The following ATP6V1H variants were observed in gnomAD, a reference collection of about 807,000 sequenced individuals.
ATP6V1H encodes ATPase H+ transporting V1 subunit H.
ATP6V1H carries 39 observed loss-of-function variants against 71.7 expected under a neutral mutation model. The ratio of observed to expected loss-of-function variants is 0.54; its 90% CI spans 0.42 to 0.71. ATP6V1H has a LOEUF of 0.71. ATP6V1H is among the 30% of genes least tolerant of loss of function. ATP6V1H has a pLI of 0.00. For synonymous variants in ATP6V1H, 192 were observed against 199.3 expected (o/e 0.96, Z 0.31); for missense variants, 509 against 594.9 (o/e 0.86, Z 1.50).
At chr8:53,737,143 G>A (rs1807241913) in intron 13 of ATP6V1H, among the ~76,000 whole-genome samples, 1 of 152,198 alleles carries the variant, frequency 6.6e-6, no homozygotes, top group Non-Finnish European at 1.5e-5. Context: ...CGGGACACAA[G>A]TCTGCCAAAG....
chr8:53,774,968 T>C (rs1388810895), intron 9 of ATP6V1H, among the ~76,000 whole-genome samples: 1 of 152,252 alleles, frequency 6.6e-6, no homozygotes, highest in Non-Finnish European at 1.5e-5. Context: ...AACGCAAGTG[T>C]GTCCGCAATT....
chr8:53,715,717 T>C lies in ATP6V1H; in HGVS notation c.*247A>G. The C allele has an allele frequency of 2.7e-6, 1 of 369,942 alleles. No homozygotes were observed. Among genetic ancestry groups the C allele is most frequent in the Non-Finnish European group, 4.8e-6 (1 of 209,044 alleles). The allele number at this position is 369,942 out of a possible 1,614,324, so 22.9% of individuals were successfully genotyped here. A position where few individuals can be genotyped will look rare whatever the true frequency, so the allele number is the denominator to read the frequency against. ...AACTATATTTATTTCCAGAGAACAA[T>C]AAATACAGAAATTGCAAGCAGTATA... On this transcript the variant is annotated 3_prime_UTR_variant, in exon 14 of 14. Transcript: ENST00000359530.
At chr8:53,786,162 T>A (rs931211269) in intron 9 of ATP6V1H, among the ~76,000 whole-genome samples, 11 of 152,340 alleles carry the variant, frequency 7.2e-5, no homozygotes, top group African/African-American at 2.6e-4. Context: ...CAGGCAGGCC[T>A]CCTTGAGCTG....
chr8:53,809,491 A>T (rs1271716090), intron 7 of ATP6V1H, among the ~76,000 whole-genome samples: 3 of 152,210 alleles, frequency 2.0e-5, no homozygotes, highest in African/African-American at 7.2e-5. Flanking sequence ...ACCAAAGGCC[A>T]TCTTTTCCTA....
chr8:53,808,354 G>T (rs757056898), intron 7 of ATP6V1H, among the ~76,000 whole-genome samples: 62 of 152,166 alleles, frequency 4.1e-4, no homozygotes, highest in Non-Finnish European at 8.2e-4. Context: ...CCATGTTTAA[G>T]AATCAGTAAA....
rs552939759 is a variant in ATP6V1H at position 53,814,913 on chromosome 8, A to C, written c.421-147T>G. The stretch of plus-strand genomic sequence containing the variant: ...AATAATAGTTTATATTTCATTTTTT[A>C]AAATATATTTTGAAACAAACATTAA... On this transcript the variant is annotated intron_variant, in intron 5 of 13. Transcript: ENST00000359530. 2.2e-5 allele frequency: 11 copies of C among 496,464 alleles called. No individual in the cohort carries two copies. The Admixed American group carries it at 4.4e-4, about 20-fold the overall frequency. 30.8% of individuals were successfully genotyped at this position (496,464 alleles called of 1,614,324 possible). A position where few individuals can be genotyped will look rare whatever the true frequency, so the allele number is the denominator to read the frequency against.
chr8:53,776,100 C>T (rs1023532158), intron 9 of ATP6V1H, among the ~76,000 whole-genome samples: 1 of 152,192 alleles, frequency 6.6e-6, no homozygotes, highest in Non-Finnish European at 1.5e-5. Flanking sequence ...GGGCTGGCAC[C>T]GGTGGGGGAC....
chr8:53,817,304 A>T (rs1810482572), intron 5 of ATP6V1H, 113 bp downstream of exon 5: 2 of 601,762 alleles, frequency 3.3e-6, no homozygotes, highest in African/African-American at 1.9e-5. Flanking sequence ...TTGGGAGGCC[A>T]AGGCAGGCGG....
At chr8:53,772,704 T>G (rs1031294996) in intron 9 of ATP6V1H, among the ~76,000 whole-genome samples, 1 of 152,160 alleles carries the variant, frequency 6.6e-6, no homozygotes. Context: ...CGAGTTCTCT[T>G]CTAGGATTTT....
chr8:53,716,566 C>A (rs1352528519), intron 13 of ATP6V1H, among the ~76,000 whole-genome samples: 1 of 152,240 alleles, frequency 6.6e-6, no homozygotes, highest in Non-Finnish European at 1.5e-5. Context: ...AGCTACTGGT[C>A]TGGGGCACTC....
chr8:53,761,391 A>G (rs1395352950), intron 11 of ATP6V1H, among the ~76,000 whole-genome samples: 1 of 152,178 alleles, frequency 6.6e-6, no homozygotes, highest in Non-Finnish European at 1.5e-5. Context: ...ATTCAGAAAA[A>G]TCACAGTGTC....
At chr8:53,738,068 T>C (rs1284370125) in intron 13 of ATP6V1H, among the ~76,000 whole-genome samples, 1 of 152,198 alleles carries the variant, frequency 6.6e-6, no homozygotes, top group Non-Finnish European at 1.5e-5. Flanking sequence ...CTTAATTAAA[T>C]TTTTAGTATA....
intron 11 of ATP6V1H, among the ~76,000 whole-genome samples, chr8:53,765,495 ACACAC>A (rs1212306442): frequency 3.6e-5 from 5 of 140,362 alleles, no homozygotes; most frequent in African/African-American, 1.3e-4. Flanking sequence ...ACACACACAC[ACACAC>A]AAGACCATCA....
chr8:53,731,342 A>C (rs1163579619), intron 13 of ATP6V1H, among the ~76,000 whole-genome samples: 4 of 152,198 alleles, frequency 2.6e-5, no homozygotes, highest in Non-Finnish European at 1.5e-5. Flanking sequence ...AGAGGAAGTA[A>C]AAGCTAAAGA....
rs141480350 is a variant in ATP6V1H, at chr8:53,733,659, A to C, written c.1391+9918T>G. Among the ~76,000 whole-genome samples the C allele has an allele frequency of 8.4e-3, 1,276 of 152,342 alleles. 7 individuals are homozygous for C. The highest frequency in any genetic ancestry group is 0.013 in the Non-Finnish European group (866 of 68,026). ...TTGCAACCTACCGGAGCCTAAGACC[A>C]GACAGCAGGTGAGAAAATTCTTAGG... On this transcript the variant is annotated intron_variant, in intron 13 of 13. Coordinates refer to ENST00000359530, the MANE Select transcript of ATP6V1H (RefSeq NM_015941.4).
At chr8:53,735,760 C>T (rs1042769011) in intron 13 of ATP6V1H, among the ~76,000 whole-genome samples, 9 of 152,174 alleles carry the variant, frequency 5.9e-5, no homozygotes. Context: ...AATCTGGTGA[C>T]TCTGTTTCGG....
intron 7 of ATP6V1H, among the ~76,000 whole-genome samples, chr8:53,810,313 T>C (rs896654358): frequency 1.3e-5 from 2 of 152,190 alleles, no homozygotes; most frequent in Admixed American, 6.5e-5. Flanking sequence ...GAGCTATTCC[T>C]AGAGCACAGC....
At chr8:53,796,759 T>C (rs558265573) in intron 8 of ATP6V1H, among the ~76,000 whole-genome samples, 4 of 152,306 alleles carry the variant, frequency 2.6e-5, no homozygotes, top group Non-Finnish European at 5.9e-5. Flanking sequence ...TAATGGAAAT[T>C]TGAGGCGGGA....
rs200128174 is a variant in ATP6V1H, at chr8:53,726,403, AT to A, written c.1392-10380del. ...AAAAGACTATTCTTATACAGTAACA[AT>A]TTTTTTAAGTATATAATATTTTAAA... On this transcript the variant is annotated intron_variant, in intron 13 of 13. Transcript: ENST00000359530. Among the ~76,000 whole-genome samples the A allele has an allele frequency of 9.0e-3, 1,365 of 152,248 alleles. 28 individuals are homozygous for A. Among genetic ancestry groups the A allele is most frequent in the African/African-American group, 0.031 (1,308 of 41,534 alleles).
Sources: gnomAD v4.1 joint callset for allele counts (sites outside exome capture counted in the v4.1 genomes callset) on GRCh38, gnomAD v4.1.1 for gene constraint, MANE v1.5 for transcripts, NCBI Gene and HGNC (gene_info 2026-07-23, HGNC 2026-07-21) for gene names.